BAZ1B: variants seen among roughly 807,000 people sequenced by gnomAD.
BAZ1B encodes the protein tyrosine-protein kinase BAZ1B.
BAZ1B carries 22 observed loss-of-function variants against 153.8 expected under a neutral mutation model. The ratio of observed to expected loss-of-function variants is 0.14; its 90% confidence interval spans 0.10 to 0.20. BAZ1B has a LOEUF of 0.20. BAZ1B is among the 10% of genes least tolerant of loss of function. The pLI is 1.00. For synonymous variants in BAZ1B, 676 were observed against 633.4 expected, an observed-to-expected ratio of 1.07 and a Z score of -1.01; for missense variants, 1,325 against 1,799.3, an observed-to-expected ratio of 0.74 and a Z score of 4.77.
chr7:73,505,182 G>A (rs1427313654), intron 3 of BAZ1B, among the ~76,000 whole-genome samples: 2 of 152,074 alleles, frequency 1.3e-5, no homozygotes, highest in African/African-American at 4.8e-5. Context: ...GATAAAGGGT[G>A]GAGCTTTCTA....
intron 10 of BAZ1B, among the ~76,000 whole-genome samples, 156 bp from the exon 11 acceptor site, chr7:73,465,693 C>T (rs984348512): frequency 6.6e-6 from 1 of 152,076 alleles, no homozygotes; most frequent in African/African-American, 2.4e-5. Flanking sequence ...AAGTAATTTA[C>T]TATTTTCATG....
intron 6 of BAZ1B, among the ~76,000 whole-genome samples, chr7:73,483,820 T>G (rs1789291367): frequency 6.6e-6 from 1 of 152,118 alleles, no homozygotes; most frequent in Admixed American, 6.6e-5. Flanking sequence ...TTTTTGTGTA[T>G]GTAGAAACAG....
In BAZ1B at chr7:73,444,016, G is replaced by A. The variant is rs782437549; in HGVS notation, c.3958C>T (p.Pro1320Ser). Reference protein sequence around the residue: ...HSTRRSQPKAPPVDDAEVDEL... With the variant: ...HSTRRSQPKASPVDDAEVDEL... ...TCCACCTCAGCATCATCCACAGGTG[G>A]TGCCTTGGGCTGAGACCTCCTGGTA... Residue 1320 changes from proline (P) to serine (S), a missense_variant, in exon 17 of 20, where the codon CCA (proline) becomes TCA (serine). Physicochemically the swap from Pro to Ser is moderately conservative, Grantham distance 74. Transcript: ENST00000339594. 30 of 1,613,856 alleles carry A rather than the reference G, an allele frequency of 1.9e-5. No homozygotes were observed. The highest frequency in any genetic ancestry group is 2.4e-5 in the Non-Finnish European group (28 of 1,179,906).
intron 6 of BAZ1B, 103 bp downstream of exon 6, chr7:73,489,089 ATC>A: frequency 8.3e-7 from 1 of 1,202,678 alleles, no homozygotes; most frequent in South Asian, 1.5e-5. Context: ...TTAATTCATT[ATC>A]TGATGTTAGA....
intron 15 of BAZ1B, 125 bp from the exon 16 acceptor site, chr7:73,447,504 T>C: frequency 3.3e-6 from 4 of 1,220,060 alleles, no homozygotes; most frequent in Non-Finnish European, 4.4e-6. Flanking sequence ...CGTATGATAA[T>C]TCAGGGAGGG....
intron 4 of BAZ1B, among the ~76,000 whole-genome samples, chr7:73,494,941 T>A (rs1452134246): frequency 6.6e-6 from 1 of 152,178 alleles, no homozygotes; most frequent in Non-Finnish European, 1.5e-5. Context: ...TGCCTTGGGA[T>A]ACAAGAAGAG....
chr7:73,515,882 C>T (rs547781502), intron 1 of BAZ1B, among the ~76,000 whole-genome samples: 4 of 152,086 alleles, frequency 2.6e-5, no homozygotes, highest in Non-Finnish European at 5.9e-5. Context: ...TGGTGGCTCA[C>T]GCCTGTAATC....
chr7:73,510,967 G>C, intron 1 of BAZ1B, 115 bp from the exon 2 acceptor site: 1 of 859,572 alleles, frequency 1.2e-6, no homozygotes, highest in Non-Finnish European at 1.8e-6. Context: ...TGTGTAGCAT[G>C]AGAGGATAAA....
At chr7:73,519,253 A>G (rs1790933603) in intron 1 of BAZ1B, among the ~76,000 whole-genome samples, 1 of 152,244 alleles carries the variant, frequency 6.6e-6, no homozygotes, top group Non-Finnish European at 1.5e-5. Flanking sequence ...AAAGAAAATT[A>G]AAATATCAAG....
intron 16 of BAZ1B, 77 bp downstream of exon 16, chr7:73,447,187 C>A: frequency 6.2e-7 from 1 of 1,610,924 alleles, no homozygotes; most frequent in South Asian, 1.1e-5. Context: ...ACACTACCTA[C>A]TGCCAAGCCA....
At chr7:73,470,310 C>A (rs1165165773) in intron 8 of BAZ1B, 35 bp downstream of exon 8, 2 of 1,586,226 alleles carry the variant, frequency 1.3e-6, no homozygotes, top group Admixed American at 1.8e-5. Flanking sequence ...TGTAAATAGT[C>A]CTAAAGAAAA....
At chr7:73,442,124 T>TCCTCGCTCGCCTC in intron 19 of BAZ1B, 57 bp downstream of exon 19, 1 of 1,061,336 alleles carries the variant, frequency 9.4e-7, no homozygotes, top group South Asian at 1.5e-5. Flanking sequence ...TTCTTGGTCT[T>TCCTCGCTCGCCTC]CCTCGCTCGC....
intron 3 of BAZ1B, among the ~76,000 whole-genome samples, chr7:73,499,615 T>C (rs1790046601): frequency 1.3e-5 from 2 of 152,198 alleles, no homozygotes; most frequent in Admixed American, 1.3e-4. Context: ...GGCAGGAAGA[T>C]CGCTTGAGCC....
chr7:73,506,309 T>G (rs1035619705), intron 3 of BAZ1B, among the ~76,000 whole-genome samples: 9 of 151,354 alleles, frequency 5.9e-5, no homozygotes, highest in African/African-American at 1.7e-4. Context: ...CCATCCTGGC[T>G]AACACAGTGA....
At chr7:73,498,823 T>C (rs1790017191) in intron 3 of BAZ1B, 125 bp from the exon 4 acceptor site, 2 of 812,958 alleles carry the variant, frequency 2.5e-6, no homozygotes, top group South Asian at 1.8e-5. Flanking sequence ...CAGTAAAGTA[T>C]CCAAGTACAA....
intron 13 of BAZ1B, among the ~76,000 whole-genome samples, chr7:73,453,244 G>C (rs1456464234): frequency 6.6e-6 from 1 of 152,354 alleles, no homozygotes; most frequent in Non-Finnish European, 1.5e-5. Flanking sequence ...GAACACTGCT[G>C]AACTACTTAG....
intron 6 of BAZ1B, among the ~76,000 whole-genome samples, chr7:73,486,113 T>C (rs1307447470): frequency 6.6e-6 from 1 of 152,206 alleles, no homozygotes; most frequent in Non-Finnish European, 1.5e-5. Context: ...ACCTATTATA[T>C]GCAACATACT....
At chr7:73,460,191 G>GGA (rs1232184409) in intron 12 of BAZ1B, among the ~76,000 whole-genome samples, 4 of 127,272 alleles carry the variant, frequency 3.1e-5, no homozygotes, top group Non-Finnish European at 6.5e-5. Context: ...TCCGTCTCAG[G>GGA]GAAAAAAAAA....
At chr7:73,475,028 C>G (rs1480165904) in intron 7 of BAZ1B, among the ~76,000 whole-genome samples, 4 of 152,058 alleles carry the variant, frequency 2.6e-5, no homozygotes, top group Non-Finnish European at 5.9e-5. Context: ...CAATGAGATA[C>G]CATTTCACAC....
Sources: allele counts gnomAD v4.1 joint callset (sites outside exome capture counted in the v4.1 genomes callset), GRCh38; gene constraint gnomAD v4.1.1; transcripts MANE v1.5; gene names NCBI Gene and HGNC (gene_info 2026-07-23, HGNC 2026-07-21).